The following E2F7 variants were observed in gnomAD, a reference collection of about 807,000 sequenced individuals.
E2F7 encodes transcription factor E2F7.
E2F7 carries 35 observed loss-of-function variants against 81.1 expected under a neutral mutation model. That is an observed-to-expected ratio of 0.43 (90% CI 0.33 to 0.57). The LOEUF (loss-of-function observed/expected upper bound fraction) is 0.57. Among genes scored for constraint, E2F7 ranks in the 20% least tolerant of loss-of-function variants. The probability of loss-of-function intolerance (pLI) is 0.04; values close to 1 mark genes in which losing one functional copy is unlikely to be tolerated. For missense variants in E2F7, 961 were observed against 1,093.7 expected (o/e 0.88, Z 1.71); for synonymous variants, 416 against 416.2 (o/e 1.00, Z 0.01).
intron 11 of E2F7, among the ~76,000 whole-genome samples, chr12:77,027,530 T>G (rs1222221618): frequency 6.6e-6 from 1 of 152,228 alleles, no homozygotes; most frequent in Non-Finnish European, 1.5e-5. Flanking sequence ...TCAGTACCTC[T>G]AGATGTTCAA....
chr12:77,042,492 C>T (rs930964186), intron 7 of E2F7, among the ~76,000 whole-genome samples: 4 of 152,026 alleles, frequency 2.6e-5, no homozygotes, highest in Non-Finnish European at 5.9e-5. Context: ...TCATATATTA[C>T]CCATGAAATA....
At chr12:77,063,104 C>T (rs1049462434) in intron 2 of E2F7, among the ~76,000 whole-genome samples, 15 of 152,156 alleles carry the variant, frequency 9.9e-5, no homozygotes, top group Admixed American at 7.9e-4. Context: ...CGTATTTGCA[C>T]GGTAGATACT....
At chr12:77,035,674 G>A (rs1258995616) in intron 7 of E2F7, among the ~76,000 whole-genome samples, 1 of 152,172 alleles carries the variant, frequency 6.6e-6, no homozygotes, top group African/African-American at 2.4e-5. Context: ...ACCTAATAAT[G>A]TATAATTCTC....
Position 77,034,057 on chromosome 12 carries a change from G to A in E2F7, c.1124-15C>T. ...CAGTTCTTCATCTACATAAACGAGA[G>A]AATTGGTAGTGTTGTTATACAGCTG... On this transcript the variant is annotated splice_polypyrimidine_tract_variant and intron_variant, in intron 7 of 12. Transcript: ENST00000322886. 6.2e-7 allele frequency: 1 copy of A among 1,606,058 alleles called. No individual in the cohort carries two copies. Among genetic ancestry groups the A allele is most frequent in the Non-Finnish European group, 8.5e-7 (1 of 1,176,318 alleles).
intron 2 of E2F7, among the ~76,000 whole-genome samples, chr12:77,063,396 C>A (rs1262251551): frequency 6.6e-6 from 1 of 152,164 alleles, no homozygotes. Context: ...GAAATTCATG[C>A]TAGTTTTGCT....
intron 2 of E2F7, among the ~76,000 whole-genome samples, chr12:77,057,650 T>G (rs2120750144): frequency 6.6e-6 from 1 of 152,318 alleles, no homozygotes; most frequent in East Asian, 1.9e-4. Context: ...AGACTAACGA[T>G]GGGCCCATTG....
rs755384781 is a variant in E2F7 at position 77,030,082 on chromosome 12, G to A, written c.1633C>T (p.Pro545Ser). The change falls in exon 10 of 13, where the codon CCT (proline) becomes TCT (serine). Residue 545 changes from proline to serine, a missense_variant. Coordinates refer to ENST00000322886, the MANE Select transcript of E2F7 (RefSeq NM_203394.3). The stretch of plus-strand genomic sequence containing the variant: ...GAGGCAGAGGGCACATACACTAGAG[G>A]CTGGCCAGCAAGGAGTGCTGGCTTC... ...SLKPALLAGQ[P>S]LVYVPSASLF... 3 of 1,614,050 alleles carry A rather than the reference G, an allele frequency of 1.9e-6. No individual in the cohort carries two copies. Among genetic ancestry groups the A allele is most frequent in the African/African-American group, 2.7e-5 (2 of 74,918 alleles).
At chr12:77,062,523 G>A (rs988330298) in intron 2 of E2F7, among the ~76,000 whole-genome samples, 2 of 152,126 alleles carry the variant, frequency 1.3e-5, no homozygotes, top group Admixed American at 6.5e-5. Flanking sequence ...TATTTGAGTT[G>A]ACATAATCCC....
intron 8 of E2F7, among the ~76,000 whole-genome samples, chr12:77,033,553 T>C (rs928471415): frequency 1.3e-5 from 2 of 152,178 alleles, no homozygotes; most frequent in African/African-American, 4.8e-5. Flanking sequence ...AAAACAAGCA[T>C]TGCTTTAAGT....
At chr12:77,054,998 A>C (rs1955020653) in intron 3 of E2F7, among the ~76,000 whole-genome samples, 1 of 152,128 alleles carries the variant, frequency 6.6e-6, no homozygotes, top group Non-Finnish European at 1.5e-5. Context: ...ATCAAACATA[A>C]GACGGAAAGG....
At chr12:77,053,940 AGT>A (rs1955010156) in intron 3 of E2F7, among the ~76,000 whole-genome samples, 1 of 152,176 alleles carries the variant, frequency 6.6e-6, no homozygotes, top group African/African-American at 2.4e-5. Context: ...GCAAAGGATA[AGT>A]GTATTTTACA....
At position 77,021,702 on chromosome 12, in the gene E2F7, A is replaced by C. The variant is rs1214451607; in HGVS notation, c.*2313T>G. On this transcript the variant is annotated 3_prime_UTR_variant, in exon 13 of 13. Transcript: ENST00000322886. ...CTGCATTCTCTTAGTAGGACCACCA[A>C]CGATTATTTTTTTCTTTTACTAAAT... is the stretch of plus-strand genomic sequence containing the variant. 2 of 152,532 alleles carry C rather than the reference A, an allele frequency of 1.3e-5. No individual in the cohort carries two copies. Among genetic ancestry groups the C allele is most frequent in the African/African-American group, 2.4e-5 (1 of 41,442 alleles). The allele number at this position is 152,532 out of a possible 1,614,324, so 9.4% of individuals were successfully genotyped here. A position where few individuals can be genotyped will look rare whatever the true frequency, so the allele number is the denominator to read the frequency against.
chr12:77,026,319 T>C (rs1954759507), intron 11 of E2F7, among the ~76,000 whole-genome samples: 1 of 152,216 alleles, frequency 6.6e-6, no homozygotes, highest in Non-Finnish European at 1.5e-5. Context: ...TTGTTTTGTT[T>C]TGAGACCCAG....
intron 2 of E2F7, among the ~76,000 whole-genome samples, chr12:77,064,155 C>T (rs1229898903): frequency 2.0e-5 from 3 of 152,206 alleles, no homozygotes; most frequent in Non-Finnish European, 4.4e-5. Flanking sequence ...GAAGACATTT[C>T]ACAGCACTTT....
chr12:77,029,908 G>C lies in E2F7; in HGVS notation c.1807C>G (p.Gln603Glu), dbSNP rs141081354. The C allele has an allele frequency of 9.4e-5, 152 of 1,614,124 alleles. No individual in the cohort carries two copies. The highest frequency in any genetic ancestry group is 1.3e-4 in the Non-Finnish European group (149 of 1,180,058). ...QKRLCEERKP[Q>E]EEDEPATKRQ... Reference sequence around the variant, plus strand: ...TTAGTGGCTGGCTCATCCTCCTCCTGAGGTTTCCTCTCCTCACAGAGGCGC... The same window carrying C: ...TTAGTGGCTGGCTCATCCTCCTCCTCAGGTTTCCTCTCCTCACAGAGGCGC... The change falls in exon 10 of 13, where the codon CAG becomes GAG. Residue 603 changes from glutamine (Q) to glutamate (E), a missense_variant. Around this residue, in one of 3 missense-constraint regions of E2F7, gnomAD observed 587 missense variants for 620.3 expected, o/e 0.95. Coordinates refer to ENST00000322886, the MANE Select transcript of E2F7 (RefSeq NM_203394.3).
Position 77,025,658 on chromosome 12 carries a change from A to G in E2F7, c.2465T>C (p.Leu822Pro), listed in dbSNP as rs756548956. The change falls in exon 12 of 13, where the codon CTA (leucine) becomes CCA (proline). Residue 822 changes from leucine (L) to proline (P), a missense_variant. Around this residue, in one of 3 missense-constraint regions of E2F7, gnomAD observed 587 missense variants for 620.3 expected, o/e 0.95. Transcript: ENST00000322886. ...CCTTGACATCACTGGACTTAGGTTT[A>G]GTGAGGGCTGACTCTGAAGCTGAGG... is the stretch of plus-strand genomic sequence containing the variant. ...ADPQLQSQPS[L>P]NLSPVMSRSH... 7 of 1,614,200 alleles carry G rather than the reference A, an allele frequency of 4.3e-6. No homozygotes were observed. Among genetic ancestry groups the G allele is most frequent in the Non-Finnish European group, 5.9e-6 (7 of 1,180,038 alleles).
chr12:77,059,716 T>C (rs1358805766), intron 2 of E2F7, among the ~76,000 whole-genome samples: 1 of 152,110 alleles, frequency 6.6e-6, no homozygotes, highest in Non-Finnish European at 1.5e-5. Context: ...GCCAGGACTC[T>C]GGGAGGCCAA....
rs949108958 is a variant in E2F7, at chr12:77,024,336, C to A, written c.2566-151G>T. Reference sequence around the variant, plus strand: ...CTTATCACACTTACCCCGTTTGTCTCCCCTGCTTACCACAACTGAAAATTA... The same window carrying A: ...CTTATCACACTTACCCCGTTTGTCTACCCTGCTTACCACAACTGAAAATTA... On this transcript the variant is annotated intron_variant, in intron 12 of 12. Transcript: ENST00000322886. The A allele has an allele frequency of 1.3e-5, 10 of 784,202 alleles. No individual in the cohort carries two copies. The Admixed American group carries it at 1.9e-4, about 15-fold the overall frequency. The allele number at this position is 784,202 out of a possible 1,614,324, so 48.6% of individuals were successfully genotyped here.
intron 8 of E2F7, 145 bp downstream of exon 8, chr12:77,033,712 G>T: frequency 1.4e-6 from 1 of 710,256 alleles, no homozygotes; most frequent in Non-Finnish European, 2.2e-6. Flanking sequence ...TTTCACTTCA[G>T]CTAAGTAAAA....
Sources: allele counts gnomAD v4.1 joint callset (sites outside exome capture counted in the v4.1 genomes callset), GRCh38; gene constraint gnomAD v4.1.1; regional missense constraint gnomAD v4.1.1; transcripts MANE v1.5; gene names NCBI Gene and HGNC (gene_info 2026-07-23, HGNC 2026-07-21).